The following FRYL variants were observed in gnomAD, a reference collection of about 807,000 sequenced individuals.
FRYL encodes the protein protein furry homolog-like.
A neutral mutation model predicts 351.2 loss-of-function variants in FRYL; 150 were observed. The ratio of observed to expected loss-of-function variants is 0.43; its 90% confidence interval spans 0.37 to 0.49. The LOEUF (loss-of-function observed/expected upper bound fraction) is 0.49. FRYL is among the 20% of genes least tolerant of loss of function. The pLI, the probability that FRYL is intolerant of heterozygous loss-of-function variation, is 0.00. For synonymous variants in FRYL, 1,153 were observed against 1,257.1 expected (o/e 0.92, Z 1.75); for missense variants, 3,036 against 3,619.3 (o/e 0.84, Z 4.13).
At chr4:48,638,783 AGG>A (rs1477069796) in intron 3 of FRYL, among the ~76,000 whole-genome samples, 4 of 152,220 alleles carry the variant, frequency 2.6e-5, no homozygotes, top group African/African-American at 9.7e-5. Context: ...AGCCATAAAA[AGG>A]ATGTGTTCAT....
intron 26 of FRYL, 40 bp from the exon 27 acceptor site, chr4:48,570,958 G>A (rs1457245596): frequency 2.0e-6 from 3 of 1,478,816 alleles, no homozygotes; most frequent in Non-Finnish European, 2.8e-6. Context: ...AAATCCTGCT[G>A]GTGTAACTTG....
At chr4:48,633,028 C>T (rs1423450323) in intron 4 of FRYL, among the ~76,000 whole-genome samples, 1 of 152,114 alleles carries the variant, frequency 6.6e-6, no homozygotes, top group Non-Finnish European at 1.5e-5. Context: ...TGGTGAATAG[C>T]TATCCCTAAT....
intron 36 of FRYL, among the ~76,000 whole-genome samples, chr4:48,552,154 C>T (rs563929754): frequency 3.6e-4 from 54 of 150,344 alleles, no homozygotes; most frequent in African/African-American, 1.3e-3. Context: ...TGAGACTGCA[C>T]CCCCCCCAAC....
intron 49 of FRYL, among the ~76,000 whole-genome samples, chr4:48,532,461 C>T (rs891001720): frequency 3.3e-5 from 5 of 152,132 alleles, no homozygotes; most frequent in African/African-American, 1.2e-4. Context: ...AGTTTGACAC[C>T]GGCCTGGCCA....
At chr4:48,561,763 T>G (rs1578128315) in intron 32 of FRYL, 127 bp from the exon 33 acceptor site, 1 of 646,808 alleles carries the variant, frequency 1.5e-6, no homozygotes, top group Non-Finnish European at 2.4e-6. Context: ...GCCTGTAATC[T>G]CAATACTTTG....
At chr4:48,589,429 G>C (rs945761898) in intron 18 of FRYL, among the ~76,000 whole-genome samples, 1 of 147,010 alleles carries the variant, frequency 6.8e-6, no homozygotes, top group African/African-American at 2.5e-5. Context: ...GCATTTATTT[G>C]ACATAATAAA....
intron 3 of FRYL, among the ~76,000 whole-genome samples, chr4:48,670,011 T>C (rs1762394024): frequency 6.6e-6 from 1 of 152,186 alleles, no homozygotes; most frequent in South Asian, 2.1e-4. Context: ...GCATGAGACA[T>C]GTTCATACAA....
chr4:48,745,196 G>A (rs1462275842), intron 1 of FRYL, among the ~76,000 whole-genome samples: 16 of 152,122 alleles, frequency 1.1e-4, no homozygotes, highest in East Asian at 7.7e-4. Flanking sequence ...ACAGTGTGGC[G>A]ACTCCTCAAG....
chr4:48,556,849 C>A, intron 35 of FRYL, 129 bp downstream of exon 35: 1 of 679,572 alleles, frequency 1.5e-6, no homozygotes, highest in Non-Finnish European at 2.3e-6. Context: ...GTGCTATTTC[C>A]TGACTGTCTT....
chr4:48,564,093 G>A lies in FRYL; in HGVS notation c.3451C>T (p.Leu1151=), dbSNP rs776607240. The A allele has an allele frequency of 3.7e-6, 6 of 1,613,496 alleles. No homozygotes were observed. The African/African-American group carries it at 8.0e-5, about 22-fold the overall frequency. The change falls in exon 31 of 64, where the codon CTG becomes TTG. Residue 1151 remains leucine (L), a synonymous_variant. Transcript: ENST00000358350. ...AACAACGTAACTGCTTCACAGCCCA[G>A]CTGGTGAACCTAGGTAAAGGTTGTG... ...LDSLDKKVHQ[L]GCEAVTLLLE... is the part of the protein sequence containing the mutation.
chr4:48,604,692 C>T (rs185190562), intron 11 of FRYL, among the ~76,000 whole-genome samples: 30 of 152,220 alleles, frequency 2.0e-4, no homozygotes, highest in Admixed American at 1.7e-3. Flanking sequence ...CTCTAGCCTC[C>T]GTAAATATGA....
chr4:48,701,496 AAGAG>A (rs1274266313), intron 2 of FRYL, among the ~76,000 whole-genome samples: 1 of 152,200 alleles, frequency 6.6e-6, no homozygotes, highest in Non-Finnish European at 1.5e-5. Context: ...AAAATTGAAT[AAGAG>A]AGAGACAGAA....
intron 59 of FRYL, among the ~76,000 whole-genome samples, chr4:48,508,134 A>G (rs1188507031): frequency 6.6e-6 from 1 of 152,234 alleles, no homozygotes; most frequent in African/African-American, 2.4e-5. Flanking sequence ...TAAACCAGAT[A>G]GCTGTTTTCT....
intron 32 of FRYL, 46 bp from the exon 33 acceptor site, chr4:48,561,682 TC>T (rs747190458): frequency 2.1e-6 from 3 of 1,424,856 alleles, no homozygotes; most frequent in Non-Finnish European, 1.9e-6. Context: ...TTTTATGGGT[TC>T]TCTAAAGTTT....
intron 52 of FRYL, 39 bp from the exon 53 acceptor site, chr4:48,527,692 C>T: frequency 6.4e-7 from 1 of 1,568,264 alleles, no homozygotes; most frequent in Non-Finnish European, 8.6e-7. Flanking sequence ...GTCCATCCAT[C>T]AGATTTGTCA....
chr4:48,599,379 G>A (rs1184813855), intron 13 of FRYL, among the ~76,000 whole-genome samples: 3 of 152,214 alleles, frequency 2.0e-5, no homozygotes, highest in Middle Eastern at 3.4e-3. Context: ...TGAAAATAAC[G>A]TGACACTGTC....
chr4:48,690,185 G>A (rs1339646104), intron 2 of FRYL, among the ~76,000 whole-genome samples: 5 of 151,860 alleles, frequency 3.3e-5, no homozygotes, highest in Non-Finnish European at 5.9e-5. Context: ...GATTTCAGGC[G>A]TGAGCCACCG....
intron 1 of FRYL, among the ~76,000 whole-genome samples, chr4:48,729,018 A>G (rs1314388926): frequency 1.3e-5 from 2 of 152,230 alleles, no homozygotes; most frequent in African/African-American, 2.4e-5. Flanking sequence ...ACTCTTGCCT[A>G]AATACTGTGC....
chr4:48,560,379 A>C lies in FRYL; in HGVS notation c.3865+1089T>G, dbSNP rs576109269. On this transcript the variant is annotated intron_variant, in intron 33 of 63. Coordinates refer to ENST00000358350, the MANE Select transcript of FRYL (RefSeq NM_015030.2). ...GTTTAGAATGAACTATCTTAAGCAA[A>C]GGAGTTAAAATTAGCTGATGCTAAG... 7.9e-5 allele frequency among the ~76,000 whole-genome samples: 12 copies of C among 152,312 alleles called. No individual in the cohort carries two copies. In the East Asian group the frequency reaches 2.1e-3, roughly 27 times the overall value.
Sources: gnomAD v4.1 joint callset for allele counts (sites outside exome capture counted in the v4.1 genomes callset) on GRCh38, gnomAD v4.1.1 for gene constraint, MANE v1.5 for transcripts, NCBI Gene and HGNC (gene_info 2026-07-23, HGNC 2026-07-21) for gene names.